NRG4: variants seen among roughly 807,000 people sequenced by gnomAD.
NRG4 encodes the protein pro-neuregulin-4, membrane-bound isoform.
A neutral mutation model predicts 15.0 loss-of-function variants in NRG4; 10 were observed. The observed-to-expected ratio is 0.67, with a 90% CI of 0.41 to 1.13. The LOEUF (loss-of-function observed/expected upper bound fraction) is 1.13, where lower values mean the gene tolerates loss of function less well. Among genes scored for constraint, NRG4 ranks in the 50% most tolerant of loss-of-function variants. NRG4 has a pLI of 0.00. For missense variants in NRG4, 139 were observed against 140.2 expected (o/e 0.99, Z 0.04); for synonymous variants, 41 against 50.1 (o/e 0.82, Z 0.77).
intron 3 of NRG4, among the ~76,000 whole-genome samples, chr15:75,995,205 A>AAAAG (rs1046434647): frequency 4.6e-5 from 7 of 151,696 alleles, no homozygotes; most frequent in Non-Finnish European, 8.8e-5. Flanking sequence ...CTCAAAAAAA[A>AAAAG]AAAGAAAGAA....
intron 3 of NRG4, among the ~76,000 whole-genome samples, chr15:75,981,555 G>A (rs2033607757): frequency 6.6e-6 from 1 of 152,094 alleles, no homozygotes; most frequent in African/African-American, 2.4e-5. Flanking sequence ...AGCAGTAGGT[G>A]GAGGCCTAAG....
chr15:76,001,596 C>G (rs1483535655), intron 3 of NRG4, among the ~76,000 whole-genome samples: 1 of 152,064 alleles, frequency 6.6e-6, no homozygotes, highest in Non-Finnish European at 1.5e-5. Context: ...CTTCATTTGA[C>G]AAATACTTAT....
chr15:75,949,470 A>G (rs568017041), intron 5 of NRG4, among the ~76,000 whole-genome samples: 3 of 151,296 alleles, frequency 2.0e-5, no homozygotes, highest in South Asian at 4.2e-4. Context: ...AGTTCCTTAT[A>G]TATTCTAGAC....
intron 3 of NRG4, among the ~76,000 whole-genome samples, chr15:75,988,239 G>A (rs755171456): frequency 4.6e-5 from 7 of 152,186 alleles, no homozygotes; most frequent in Non-Finnish European, 1.0e-4. Flanking sequence ...AGGCTGGAGT[G>A]CAGTGGCGCG....
intron 3 of NRG4, among the ~76,000 whole-genome samples, chr15:76,004,579 A>G (rs2034530718): frequency 6.6e-6 from 1 of 151,324 alleles, no homozygotes; most frequent in African/African-American, 2.4e-5. Context: ...AGCCTGGGCA[A>G]CAAGAGCGAA....
chr15:76,056,056 C>T (rs2036143002), intron 2 of NRG4, among the ~76,000 whole-genome samples: 1 of 152,148 alleles, frequency 6.6e-6, no homozygotes, highest in African/African-American at 2.4e-5. Flanking sequence ...CTACTGAGTC[C>T]ATGGTATTGT....
intron 3 of NRG4, among the ~76,000 whole-genome samples, chr15:75,963,097 CAAAT>C (rs1035128350): frequency 6.6e-6 from 1 of 151,996 alleles, no homozygotes; most frequent in African/African-American, 2.4e-5. Context: ...AGTATACAAA[CAAAT>C]AAGAGAAAAG....
intron 3 of NRG4, among the ~76,000 whole-genome samples, chr15:75,996,348 T>C (rs911650577): frequency 2.6e-5 from 4 of 152,206 alleles, no homozygotes; most frequent in African/African-American, 9.7e-5. Context: ...ACAGTACTCA[T>C]TGGGGCTATT....
At chr15:75,981,844 GA>G (rs1239964640) in intron 3 of NRG4, among the ~76,000 whole-genome samples, 3 of 151,998 alleles carry the variant, frequency 2.0e-5, no homozygotes, top group Admixed American at 2.0e-4. Flanking sequence ...AATCAGAAAA[GA>G]GGCTATTTTG....
chr15:75,979,664 A>G (rs2141849041), intron 3 of NRG4, among the ~76,000 whole-genome samples: 1 of 152,240 alleles, frequency 6.6e-6, no homozygotes, highest in Non-Finnish European at 1.5e-5. Context: ...CCCAACTATG[A>G]TACATTTTAT....
intron 3 of NRG4, among the ~76,000 whole-genome samples, chr15:75,994,649 A>G (rs2034143101): frequency 6.6e-6 from 1 of 152,238 alleles, no homozygotes; most frequent in Non-Finnish European, 1.5e-5. Flanking sequence ...CAGAACTTAT[A>G]TTGATAATGC....
rs2031089473 is a variant in NRG4 at position 75,942,409 on chromosome 15, TTAA to T, written c.*1226_*1228del. The T allele has an allele frequency of 6.6e-6, 1 of 152,062 alleles. No individual in the cohort carries two copies. The highest frequency in any genetic ancestry group is 6.6e-5 in the Admixed American group (1 of 15,260). The allele number at this position is 152,062 out of a possible 1,614,324, so 9.4% of individuals were successfully genotyped here. A position where few individuals can be genotyped will look rare whatever the true frequency, so the allele number is the denominator to read the frequency against. ...AAATATACCACACTAGTGCAAGATG[TTAA>T]TAATAAAGGCCTGGGGTGGGGGGAA... is the stretch of plus-strand genomic sequence containing the variant. On this transcript the variant is annotated 3_prime_UTR_variant, in exon 6 of 6. Transcript: ENST00000394907.
chr15:75,988,094 A>C (rs2033862428), intron 3 of NRG4, among the ~76,000 whole-genome samples: 1 of 152,202 alleles, frequency 6.6e-6, no homozygotes, highest in Non-Finnish European at 1.5e-5. Context: ...GCTTTGTAAC[A>C]GTTTGTGAAG....
chr15:75,975,363 T>C (rs541523586), intron 3 of NRG4, among the ~76,000 whole-genome samples: 1 of 152,328 alleles, frequency 6.6e-6, no homozygotes, highest in East Asian at 1.9e-4. Flanking sequence ...AGGTTAATAT[T>C]GTTATGTGTG....
At chr15:75,997,142 A>T (rs2034245947) in intron 3 of NRG4, among the ~76,000 whole-genome samples, 1 of 152,098 alleles carries the variant, frequency 6.6e-6, no homozygotes, top group Admixed American at 6.5e-5. Context: ...TAAGGGCAAA[A>T]ATCATTTCAG....
intron 4 of NRG4, among the ~76,000 whole-genome samples, chr15:76,047,304 CAAAGGGCTATCTGCA>C (rs1235923397): frequency 6.6e-6 from 1 of 150,772 alleles, no homozygotes; most frequent in Non-Finnish European, 1.5e-5. Flanking sequence ...ATCAATATAT[CAAAGGGCTATCTGCA>C]CTCCCGTCTA....
chr15:76,059,024 G>A (rs933131718), intron 1 of NRG4, among the ~76,000 whole-genome samples: 1 of 152,138 alleles, frequency 6.6e-6, no homozygotes, highest in Non-Finnish European at 1.5e-5. Context: ...CTCCACCGGG[G>A]CGATGCTGCC....
rs142812746 is a variant in NRG4 at position 75,941,960 on chromosome 15, A to AAAAAAAAC, written c.*1677_*1678insGTTTTTTT. On this transcript the variant is annotated 3_prime_UTR_variant, in exon 6 of 6. Transcript: ENST00000394907. Reference sequence around the variant, plus strand: ...ACCACCAAAAAAAAAAAAAAAAAAAAATATGGCCTAGCTTTTTTTTTTTTT... The same window carrying AAAAAAAAC: ...ACCACCAAAAAAAAAAAAAAAAAAAAAAAAAAACATATGGCCTAGCTTTTTTTTTTTTT... 94 of 93,694 alleles carry AAAAAAAAC rather than the reference A, an allele frequency of 1.0e-3. 1 individual carries two copies. The highest frequency in any genetic ancestry group is 1.5e-3 in the Admixed American group (9 of 5,876). 5.8% of individuals were successfully genotyped at this position (93,694 alleles called of 1,614,324 possible). A position where few individuals can be genotyped will look rare whatever the true frequency, so the allele number is the denominator to read the frequency against.
upstream of NRG4, among the ~76,000 whole-genome samples, chr15:76,013,813 G>A (rs1334571409): frequency 6.6e-6 from 1 of 152,198 alleles, no homozygotes; most frequent in Non-Finnish European, 1.5e-5. Context: ...ATGTGTGCAT[G>A]TGTCTTTATA....
Sources: allele counts gnomAD v4.1 joint callset (sites outside exome capture counted in the v4.1 genomes callset), GRCh38; gene constraint gnomAD v4.1.1; transcripts MANE v1.5; gene names NCBI Gene and HGNC (gene_info 2026-07-23, HGNC 2026-07-21).